Variants in WDR25 observed in about 807,000 individuals in gnomAD.
WDR25 encodes the protein WD repeat domain 25.
Under a neutral mutation model 47.7 loss-of-function variants are expected in WDR25, and 35 were observed. That is an observed-to-expected ratio of 0.73 (90% CI 0.56 to 0.97). The LOEUF is 0.97. WDR25 is among the 50% of genes least tolerant of loss of function. The pLI is 0.00. For missense variants in WDR25, 634 were observed against 704.7 expected (o/e 0.90, Z 1.14); for synonymous variants, 248 against 278.9 (o/e 0.89, Z 1.10).
At position 100,404,124 on chromosome 14, in the gene WDR25, T is replaced by C. The variant is rs1356223177; in HGVS notation, c.822+22378T>C. On this transcript the variant is annotated intron_variant, in intron 2 of 6. Coordinates refer to ENST00000402312, the MANE Select transcript of WDR25 (RefSeq NM_001161476.3). The surrounding 1 kb of genome is among the most constrained non-coding windows in gnomAD (Gnocchi z 4.6). ...TCCCATTTGCTGAGATCCTACCATG[T>C]GTCCAGCCCAGTGCTGGGCCCCATA... Among the ~76,000 whole-genome samples the C allele has an allele frequency of 6.6e-6, 1 of 151,154 alleles. No homozygotes were observed. Among genetic ancestry groups the C allele is most frequent in the Non-Finnish European group, 1.5e-5 (1 of 67,590 alleles).
At chr14:100,469,328 T>C (rs1566925437) in intron 3 of WDR25, among the ~76,000 whole-genome samples, 2 of 152,176 alleles carry the variant, frequency 1.3e-5, no homozygotes, top group Admixed American at 6.5e-5. Context: ...GCATGCTCAG[T>C]AGGGGAGGGG....
intron 2 of WDR25, among the ~76,000 whole-genome samples, chr14:100,383,773 G>A (rs1030995920): frequency 6.6e-6 from 1 of 152,234 alleles, no homozygotes; most frequent in Non-Finnish European, 1.5e-5. Flanking sequence ...TGCCAGGCAC[G>A]GTGCCACTGG....
chr14:100,503,892 T>C (rs1901027150), intron 4 of WDR25: 1 of 152,250 alleles, frequency 6.6e-6, no homozygotes, highest in Non-Finnish European at 1.5e-5. Context: ...GAACTAACAT[T>C]TGTGGAGCTA....
intron 2 of WDR25, among the ~76,000 whole-genome samples, chr14:100,410,018 A>C (rs1897660216): frequency 6.6e-6 from 1 of 152,100 alleles, no homozygotes; most frequent in Non-Finnish European, 1.5e-5. Flanking sequence ...TCTTGGTTTT[A>C]ATTGTTTTCA....
At chr14:100,460,043 A>G (rs1348478159) in intron 2 of WDR25, among the ~76,000 whole-genome samples, 2 of 150,102 alleles carry the variant, frequency 1.3e-5, no homozygotes, top group Non-Finnish European at 3.0e-5. Context: ...CCCTGGTATC[A>G]AACCAAGAAA....
chr14:100,526,697 C>T (rs879063337), intron 5 of WDR25, among the ~76,000 whole-genome samples: 7 of 145,180 alleles, frequency 4.8e-5, no homozygotes, highest in Non-Finnish European at 7.6e-5. Context: ...CCACCATCAT[C>T]GTCACCATCA....
Position 100,381,591 on chromosome 14 carries a change from C to T in WDR25, c.667C>T (p.Pro223Ser). Reference protein sequence around the residue: ...VGPGVSEFIQPYLNSHYKETT... With the variant: ...VGPGVSEFIQSYLNSHYKETT... Reference sequence around the variant, plus strand: ...CCCGGGAGTGTCTGAGTTTATTCAGCCATATTTGAATAGCCATTATAAAGA... The same window carrying T: ...CCCGGGAGTGTCTGAGTTTATTCAGTCATATTTGAATAGCCATTATAAAGA... Residue 223 changes from proline to serine, a missense_variant, in exon 2 of 7, where the codon CCA (proline) becomes TCA (serine). Transcript: ENST00000402312. 6.2e-7 allele frequency: 1 copy of T among 1,609,522 alleles called. No individual in the cohort carries two copies. Among genetic ancestry groups the T allele is most frequent in the Non-Finnish European group, 8.5e-7 (1 of 1,176,744 alleles).
At chr14:100,495,407 C>T (rs753272207) in intron 4 of WDR25, among the ~76,000 whole-genome samples, 6 of 152,182 alleles carry the variant, frequency 3.9e-5, no homozygotes, top group Non-Finnish European at 7.4e-5. Flanking sequence ...AGTTCTTTTT[C>T]TCCTTCTGCT....
intron 2 of WDR25, among the ~76,000 whole-genome samples, chr14:100,438,102 ATATT>A (rs992916008): frequency 6.6e-6 from 1 of 152,222 alleles, no homozygotes; most frequent in Admixed American, 6.5e-5. Flanking sequence ...GATTATGTAA[ATATT>A]TATCTGTTCT....
chr14:100,404,592 C>T lies in WDR25; in HGVS notation c.822+22846C>T, dbSNP rs150476344. Among the ~76,000 whole-genome samples, 2 of 152,256 alleles carry T rather than the reference C, an allele frequency of 1.3e-5. No individual in the cohort carries two copies. The highest frequency in any genetic ancestry group is 4.1e-4 in the South Asian group (2 of 4,828). The stretch of plus-strand genomic sequence containing the variant: ...CCCTTGGGGGAAGTGCAAATGCATC[C>T]TTATCTCTGTAGTGCTTCCTCCCAG... On this transcript the variant is annotated intron_variant, in intron 2 of 6. Coordinates refer to ENST00000402312, the MANE Select transcript of WDR25 (RefSeq NM_001161476.3). This position sits in a 1 kb window ranked among gnomAD's most constrained non-coding sequence, Gnocchi z 4.6.
chr14:100,444,823 C>T (rs990929788), intron 2 of WDR25, among the ~76,000 whole-genome samples: 1 of 152,196 alleles, frequency 6.6e-6, no homozygotes, highest in African/African-American at 2.4e-5. Context: ...TGGCAGCAGG[C>T]AGTGAGGGAC....
At chr14:100,514,900 A>G (rs1223192757) in intron 4 of WDR25, among the ~76,000 whole-genome samples, 1 of 152,104 alleles carries the variant, frequency 6.6e-6, no homozygotes, top group East Asian at 1.9e-4. Context: ...TCTGCTAGTG[A>G]TAAATTATTT....
chr14:100,382,466 A>T (rs73357455), intron 2 of WDR25, among the ~76,000 whole-genome samples: 2,996 of 152,226 alleles, frequency 0.02, 96 homozygotes, highest in African/African-American at 0.069. Flanking sequence ...GAGGCTGGGG[A>T]AGCAAGGTCA....
intron 4 of WDR25, among the ~76,000 whole-genome samples, chr14:100,522,365 CA>C (rs1312785301): frequency 6.6e-6 from 1 of 152,162 alleles, no homozygotes; most frequent in Non-Finnish European, 1.5e-5. Flanking sequence ...TGTTTTTTCT[CA>C]TAGTTATGTT....
At chr14:100,400,528 A>T (rs1566891183) in intron 2 of WDR25, among the ~76,000 whole-genome samples, 2 of 152,254 alleles carry the variant, frequency 1.3e-5, no homozygotes, top group Non-Finnish European at 2.9e-5. Flanking sequence ...TCCCAAAGGT[A>T]ACTTTGTTTA....
intron 2 of WDR25, among the ~76,000 whole-genome samples, chr14:100,445,914 C>G (rs532930829): frequency 1.3e-5 from 2 of 152,292 alleles, no homozygotes; most frequent in African/African-American, 4.8e-5. Context: ...CCCATGCTGC[C>G]CCTCCAAGAA....
chr14:100,404,955 A>C lies in WDR25; in HGVS notation c.822+23209A>C, dbSNP rs758068410. 6.6e-6 allele frequency among the ~76,000 whole-genome samples: 1 copy of C among 151,932 alleles called. No homozygotes were observed. The highest frequency in any genetic ancestry group is 1.5e-5 in the Non-Finnish European group (1 of 67,984). On this transcript the variant is annotated intron_variant, in intron 2 of 6. Transcript: ENST00000402312. The surrounding 1 kb of genome is among the most constrained non-coding windows in gnomAD (Gnocchi z 4.6). ...CTTAACCCTCCTACCTTGTGTCCCC[A>C]TGCTAGTTCTGTCTTTCCTGTGCTC...
chr14:100,377,530 GA>G, intron 1 of WDR25, among the ~76,000 whole-genome samples: 1 of 150,662 alleles, frequency 6.6e-6, no homozygotes, highest in Non-Finnish European at 1.5e-5. Context: ...GGCTGGTCTT[GA>G]ACCCCCGACC....
At chr14:100,466,936 T>G (rs1286526309) in intron 2 of WDR25, among the ~76,000 whole-genome samples, 5 of 152,208 alleles carry the variant, frequency 3.3e-5, no homozygotes, top group Non-Finnish European at 7.3e-5. Flanking sequence ...CGGCATTTGC[T>G]GGGAGAGCTG....
Sources: gnomAD v4.1 joint callset for allele counts (sites outside exome capture counted in the v4.1 genomes callset) on GRCh38, gnomAD v4.1.1 for gene constraint, Gnocchi (gnomAD v3.1) non-coding constraint, MANE v1.5 for transcripts, NCBI Gene and HGNC (gene_info 2026-07-23, HGNC 2026-07-21) for gene names.